KMT2C: variants seen among roughly 807,000 people sequenced by gnomAD.
The protein encoded by KMT2C is histone-lysine N-methyltransferase 2C.
Under a neutral mutation model 507.9 loss-of-function variants are expected in KMT2C, and 88 were observed. The ratio of observed to expected loss-of-function variants is 0.17; its 90% CI spans 0.15 to 0.21. KMT2C has a LOEUF of 0.21. Among genes scored for constraint, KMT2C ranks in the 10% least tolerant of loss-of-function variants. The pLI, the probability that KMT2C is intolerant of heterozygous loss-of-function variation, is 1.00. For synonymous variants in KMT2C, 2,049 were observed against 2,080.8 expected, an observed-to-expected ratio of 0.98 and a Z score of 0.42; for missense variants, 4,954 against 5,957.8, an observed-to-expected ratio of 0.83 and a Z score of 5.55.
chr7:152,310,368 G>A (rs952970363), intron 5 of KMT2C, among the ~76,000 whole-genome samples: 2 of 152,122 alleles, frequency 1.3e-5, no homozygotes, highest in Admixed American at 6.5e-5. Context: ...TTGAGGCTGG[G>A]AACTTGAGAC....
At chr7:152,433,353 G>C (rs2097882819) in intron 1 of KMT2C, among the ~76,000 whole-genome samples, 1 of 152,154 alleles carries the variant, frequency 6.6e-6, no homozygotes. Context: ...TTCACTTTCA[G>C]GGTCTTTACT....
intron 1 of KMT2C, among the ~76,000 whole-genome samples, chr7:152,401,272 G>T (rs907922059): frequency 1.5e-4 from 23 of 152,016 alleles, no homozygotes; most frequent in Non-Finnish European, 2.9e-4. Flanking sequence ...TAGAGACGGG[G>T]TTTCACCATG....
rs2097911322 is a variant in KMT2C, at chr7:152,435,701, G to A, written c.86C>T (p.Pro29Leu). 6.5e-7 allele frequency: 1 copy of A among 1,541,170 alleles called. No homozygotes were observed. The highest frequency in any genetic ancestry group is 8.8e-7 in the Non-Finnish European group (1 of 1,142,702). ...PEEPGAPAPSPAAADKRPRGR... is the reference protein window; with the variant it reads ...PEEPGAPAPSLAAADKRPRGR... Reference sequence around the variant, plus strand: ...CCGAGGTCTTTTGTCTGCGGCTGCGGGGCTCGGGGCCGGGGCTCCAGGCTC... The same window carrying A: ...CCGAGGTCTTTTGTCTGCGGCTGCGAGGCTCGGGGCCGGGGCTCCAGGCTC... The change falls in exon 1 of 59, where the codon CCC becomes CTC. Residue 29 changes from proline (P) to leucine (L), a missense_variant. By Grantham distance (98) the Pro-to-Leu change is moderately conservative (BLOSUM62 -3). Around this residue, in one of 29 missense-constraint regions of KMT2C, gnomAD observed 51 missense variants for 43.5 expected, o/e 1.17. Coordinates refer to ENST00000262189, the MANE Select transcript of KMT2C (RefSeq NM_170606.3).
At position 152,222,013 on chromosome 7, in the gene KMT2C, C is replaced by A. The variant is rs142546291; in HGVS notation, c.3487G>T (p.Val1163Leu). ...TTTCAAATTTTACCTAGCTCTTTTA[C>A]TTTTGTGACAATTTGTGCTACAAGT... Reference protein sequence around the residue: ...SSLVAQIVTKVKELDPPKTYT... With the variant: ...SSLVAQIVTKLKELDPPKTYT... Residue 1163 changes from valine to leucine, a missense_variant, in exon 22 of 59, where the codon GTA becomes TTA. Physicochemically the swap from Val to Leu is conservative, Grantham distance 32. This residue lies in a region of KMT2C where 176 missense variants were observed against 262.0 expected (regional missense o/e 0.67). Coordinates refer to ENST00000262189, the MANE Select transcript of KMT2C (RefSeq NM_170606.3). The A allele has an allele frequency of 1.9e-6, 3 of 1,603,150 alleles. No homozygotes were observed. Among genetic ancestry groups the A allele is most frequent in the East Asian group, 2.2e-5 (1 of 44,452 alleles).
intron 9 of KMT2C, 54 bp from the exon 10 acceptor site, chr7:152,252,769 T>C (rs1002471405): frequency 7.6e-6 from 10 of 1,315,690 alleles, no homozygotes; most frequent in Admixed American, 2.1e-5. Flanking sequence ...TTTGTAATTG[T>C]AGTTCTGATG....
chr7:152,297,110 G>T (rs1200179552), intron 6 of KMT2C, among the ~76,000 whole-genome samples: 1 of 145,452 alleles, frequency 6.9e-6, no homozygotes, highest in African/African-American at 2.5e-5. Flanking sequence ...AGAAAGACGT[G>T]AATATATGTG....
At chr7:152,153,321 A>G (rs544410228) in intron 48 of KMT2C, among the ~76,000 whole-genome samples, 6 of 152,342 alleles carry the variant, frequency 3.9e-5, no homozygotes, top group Middle Eastern at 6.8e-3. Context: ...AGAACAGACA[A>G]AGGTCTTGCT....
At chr7:152,147,725 A>AAG (rs2091272993) in intron 52 of KMT2C, among the ~76,000 whole-genome samples, 2 of 134,216 alleles carry the variant, frequency 1.5e-5, no homozygotes, top group African/African-American at 6.5e-5. Context: ...AAAAAAAAAA[A>AAG]AAAGAAAAAG....
At chr7:152,170,550 TG>T (rs1336387890) in intron 40 of KMT2C, among the ~76,000 whole-genome samples, 1 of 152,248 alleles carries the variant, frequency 6.6e-6, no homozygotes, top group Non-Finnish European at 1.5e-5. Context: ...TCACCCAAGC[TG>T]GAGTGCAGTG....
chr7:152,232,138 C>CA (rs1323622284), intron 16 of KMT2C, among the ~76,000 whole-genome samples: 6 of 152,144 alleles, frequency 3.9e-5, no homozygotes, highest in Non-Finnish European at 7.4e-5. Flanking sequence ...CTCAGCCTCC[C>CA]AAAGTGCTGG....
chr7:152,267,725 C>G (rs985401711), intron 7 of KMT2C, among the ~76,000 whole-genome samples: 5 of 152,216 alleles, frequency 3.3e-5, no homozygotes, highest in African/African-American at 1.2e-4. Flanking sequence ...AAATGTAAAT[C>G]TAATTGTTAA....
At chr7:152,391,944 G>A (rs1225033915) in intron 1 of KMT2C, among the ~76,000 whole-genome samples, 1 of 152,140 alleles carries the variant, frequency 6.6e-6, no homozygotes, top group Non-Finnish European at 1.5e-5. Context: ...AAATTTAAAT[G>A]CTGGATTCCT....
rs1421729037 is a variant in KMT2C, at chr7:152,176,624, C to A, written c.8829G>T (p.Leu2943=). 1.2e-6 allele frequency: 2 copies of A among 1,614,036 alleles called. No individual in the cohort carries two copies. Among genetic ancestry groups the A allele is most frequent in the African/African-American group, 2.7e-5 (2 of 74,918 alleles). The change falls in exon 38 of 59, where the codon CTG becomes CTT. Residue 2943 remains leucine, a synonymous_variant. Coordinates refer to ENST00000262189, the MANE Select transcript of KMT2C (RefSeq NM_170606.3). ...ACACATGATTGGATGGGGAGGCCGG[C>A]AGAGTTGGTGGTGGTGGAGACCCCG... ...RPSGSPPPPT[L]PASPSNHVSS...
At position 152,315,125 on chromosome 7, in the gene KMT2C, C is replaced by A. The variant is rs1228448050; in HGVS notation, c.590+13G>T. 1 of 1,609,856 alleles carries A rather than the reference C, an allele frequency of 6.2e-7. No homozygotes were observed. The highest frequency in any genetic ancestry group is 1.1e-5 in the South Asian group (1 of 90,918). On this transcript the variant is annotated intron_variant, in intron 4 of 58. Transcript: ENST00000262189. The stretch of plus-strand genomic sequence containing the variant: ...CTTAATCTATTCCAACATTTAAAGT[C>A]GAAACTGCTTACTTTCTCTGTCCTC...
In KMT2C at chr7:152,176,595, C is replaced by T. The variant is rs1414427825; in HGVS notation, c.8858G>A (p.Ser2953Asn). The change falls in exon 38 of 59, where the codon AGT becomes AAT. Residue 2953 changes from serine to asparagine, a missense_variant. By Grantham distance (46) the Ser-to-Asn change is conservative. Transcript: ENST00000262189. ...LPASPSNHVSSLPPFIAPPGR... is the reference protein window; with the variant it reads ...LPASPSNHVSNLPPFIAPPGR... ...AGGCGGTGCTATGAAAGGAGGCAAA[C>T]TTGACACATGATTGGATGGGGAGGC... 6.2e-7 allele frequency: 1 copy of T among 1,614,148 alleles called. No individual in the cohort carries two copies. The highest frequency in any genetic ancestry group is 2.2e-5 in the East Asian group (1 of 44,878).
intron 6 of KMT2C, among the ~76,000 whole-genome samples, chr7:152,302,194 G>A (rs1404758900): frequency 6.6e-6 from 1 of 152,096 alleles, no homozygotes; most frequent in Non-Finnish European, 1.5e-5. Flanking sequence ...TCTATGAGGG[G>A]AGACAACAGA....
At chr7:152,404,883 C>T (rs2097597972) in intron 1 of KMT2C, among the ~76,000 whole-genome samples, 1 of 152,166 alleles carries the variant, frequency 6.6e-6, no homozygotes, top group African/African-American at 2.4e-5. Flanking sequence ...TAGGGTCTCC[C>T]TCTGTTGCCC....
intron 18 of KMT2C, among the ~76,000 whole-genome samples, chr7:152,228,698 T>C (rs1588404594): frequency 6.6e-6 from 1 of 152,274 alleles, no homozygotes; most frequent in African/African-American, 2.4e-5. Flanking sequence ...TCTTATTCAA[T>C]TTCCTTAGGT....
intron 44 of KMT2C, chr7:152,157,772 A>G (rs769686763): frequency 7.8e-7 from 1 of 1,280,360 alleles, no homozygotes; most frequent in South Asian, 1.3e-5. Flanking sequence ...TTGTAGATCA[A>G]CTGAGAATAG....
Sources: allele counts gnomAD v4.1 joint callset (sites outside exome capture counted in the v4.1 genomes callset), GRCh38; gene constraint gnomAD v4.1.1; regional missense constraint gnomAD v4.1.1; transcripts MANE v1.5; gene names NCBI Gene and HGNC (gene_info 2026-07-23, HGNC 2026-07-21).